Variants in ACOXL observed in about 807,000 individuals in gnomAD.
ACOXL encodes acyl-CoA oxidase like, also known as acyl-coenzyme A oxidase-like protein.
Under a neutral mutation model 71.9 loss-of-function variants are expected in ACOXL, and 70 were observed. The observed-to-expected ratio is 0.97, with a 90% CI of 0.80 to 1.19. The LOEUF (loss-of-function observed/expected upper bound fraction) is 1.19. ACOXL is among the 50% of genes most tolerant of loss of function. The pLI is 0.00. For missense variants in ACOXL, 703 were observed against 736.3 expected, an observed-to-expected ratio of 0.95 and a Z score of 0.52; for synonymous variants, 253 against 281.6, an observed-to-expected ratio of 0.90 and a Z score of 1.02.
chr2:111,099,023 G>A (rs1335552324), intron 17 of ACOXL: 1 of 152,166 alleles, frequency 6.6e-6, no homozygotes, highest in African/African-American at 2.4e-5. Context: ...GAAGATTCTA[G>A]CTGAACACAG....
In ACOXL at chr2:111,117,772, G is replaced by A; in HGVS notation, c.1699G>A (p.Glu567Lys). 2 of 1,551,152 alleles carry A rather than the reference G, an allele frequency of 1.3e-6. No individual in the cohort carries two copies. The highest frequency in any genetic ancestry group is 1.4e-5 in the African/African-American group (1 of 73,176). Reference sequence around the variant, plus strand: ...TGCACCGCTGCAGCCGCGGCCACGGGAAGAGGCGCGCTCCCGGCGGCCCAA... The same window carrying A: ...TGCACCGCTGCAGCCGCGGCCACGGAAAGAGGCGCGCTCCCGGCGGCCCAA... ...YPAPLQPRPR[E>K]EARSRRPKLG... Residue 567 changes from glutamate to lysine, a missense_variant, in exon 18 of 18, where the codon GAA becomes AAA. Coordinates refer to ENST00000439055, the MANE Select transcript of ACOXL (RefSeq NM_001142807.4).
chr2:110,875,600 G>A (rs889598205), intron 10 of ACOXL, among the ~76,000 whole-genome samples: 7 of 152,052 alleles, frequency 4.6e-5, no homozygotes, highest in Admixed American at 6.5e-5. Flanking sequence ...TTTCTGGCTC[G>A]TCTCCTCTGG....
At chr2:110,920,676 T>C (rs1315709347) in intron 11 of ACOXL, among the ~76,000 whole-genome samples, 1 of 152,106 alleles carries the variant, frequency 6.6e-6, no homozygotes, top group Non-Finnish European at 1.5e-5. Flanking sequence ...ATTCTTTTTT[T>C]TTGGCCTTTG....
At chr2:110,791,947 T>C (rs1684700535) in intron 3 of ACOXL, among the ~76,000 whole-genome samples, 1 of 152,178 alleles carries the variant, frequency 6.6e-6, no homozygotes, top group Non-Finnish European at 1.5e-5. Context: ...CTCTGCCATC[T>C]CTCAACTCTG....
At chr2:110,800,436 T>C (rs1024833446) in intron 7 of ACOXL, among the ~76,000 whole-genome samples, 4 of 152,218 alleles carry the variant, frequency 2.6e-5, no homozygotes, top group African/African-American at 9.6e-5. Context: ...TCATTTTAAT[T>C]TGATCACATC....
In ACOXL at chr2:110,826,085, G is replaced by A. The variant is rs73956472; in HGVS notation, c.754-15286G>A. Among the ~76,000 whole-genome samples the A allele has an allele frequency of 3.1e-3, 467 of 152,284 alleles. 2 individuals are homozygous for A. Among genetic ancestry groups the A allele is most frequent in the African/African-American group, 0.011 (447 of 41,550 alleles). On this transcript the variant is annotated intron_variant, in intron 9 of 17. Transcript: ENST00000439055. ...TTTCAGTGGCTTTATTTAATTGCCT[G>A]TTTCCAAATTAATTTTCTATCAGCA...
intron 12 of ACOXL, among the ~76,000 whole-genome samples, chr2:110,969,136 C>T (rs1233783964): frequency 6.6e-6 from 1 of 152,040 alleles, no homozygotes. Flanking sequence ...AGCATGAACA[C>T]ACAACACATC....
At chr2:110,744,131 A>AAG (rs1677888146) in intron 1 of ACOXL, among the ~76,000 whole-genome samples, 1 of 152,152 alleles carries the variant, frequency 6.6e-6, no homozygotes, top group Non-Finnish European at 1.5e-5. Flanking sequence ...GAGAGAGAGA[A>AAG]AGAGAGAGAG....
At chr2:110,877,704 T>C (rs1269054152) in intron 10 of ACOXL, among the ~76,000 whole-genome samples, 1 of 152,208 alleles carries the variant, frequency 6.6e-6, no homozygotes, top group Non-Finnish European at 1.5e-5. Flanking sequence ...ACATTGAGCC[T>C]GTGCATTACC....
intron 9 of ACOXL, among the ~76,000 whole-genome samples, chr2:110,812,346 GAGA>G (rs893138040): frequency 1.4e-4 from 22 of 152,186 alleles, no homozygotes; most frequent in African/African-American, 5.3e-4. Context: ...GGGAGTACAT[GAGA>G]AGGTTTGTTA....
chr2:110,821,366 C>G (rs1688580459), intron 9 of ACOXL, among the ~76,000 whole-genome samples: 1 of 152,072 alleles, frequency 6.6e-6, no homozygotes. Context: ...CTTGAAGAGG[C>G]AGCCCCAAAC....
intron 10 of ACOXL, 115 bp downstream of exon 10, chr2:110,841,520 C>A: frequency 2.6e-6 from 2 of 758,764 alleles, no homozygotes; most frequent in Non-Finnish European, 4.3e-6. Context: ...CCTGTGATGT[C>A]CGTGTCGCAG....
intron 2 of ACOXL, among the ~76,000 whole-genome samples, chr2:110,782,101 T>C (rs1188659921): frequency 6.6e-6 from 1 of 152,030 alleles, no homozygotes; most frequent in Non-Finnish European, 1.5e-5. Flanking sequence ...ATTATTATTA[T>C]TTAAAATCAC....
chr2:110,905,116 C>T lies in ACOXL; in HGVS notation c.789-3673C>T, dbSNP rs369165570. On this transcript the variant is annotated intron_variant, in intron 10 of 17. Coordinates refer to ENST00000439055, the MANE Select transcript of ACOXL (RefSeq NM_001142807.4). ...GCTGGAAAGGGAAGGTGCTGGGCCT[C>T]GCAGGAGGGGCAACATGAAATGCTC... 7.9e-5 allele frequency among the ~76,000 whole-genome samples: 12 copies of T among 152,182 alleles called. No individual in the cohort carries two copies. The South Asian group carries it at 2.1e-3, about 26-fold the overall frequency.
At chr2:110,840,317 A>G (rs1301054431) in intron 9 of ACOXL, among the ~76,000 whole-genome samples, 1 of 152,200 alleles carries the variant, frequency 6.6e-6, no homozygotes, top group Non-Finnish European at 1.5e-5. Context: ...GAACTCATTG[A>G]AAAATTAAAT....
intron 17 of ACOXL, among the ~76,000 whole-genome samples, chr2:111,104,052 G>A (rs1225477309): frequency 6.6e-6 from 1 of 152,110 alleles, no homozygotes; most frequent in Admixed American, 6.5e-5. Context: ...TGTCATTTCA[G>A]GAACGTTGTA....
At chr2:110,996,544 G>A (rs2063405588) in intron 14 of ACOXL, among the ~76,000 whole-genome samples, 1 of 152,128 alleles carries the variant, frequency 6.6e-6, no homozygotes, top group African/African-American at 2.4e-5. Context: ...AGCAATATCT[G>A]TTTCATCTTC....
intron 1 of ACOXL, among the ~76,000 whole-genome samples, chr2:110,735,137 A>G (rs1023561630): frequency 6.6e-6 from 1 of 152,074 alleles, no homozygotes; most frequent in African/African-American, 2.4e-5. Flanking sequence ...AACATTTCAT[A>G]TTTTTTCCCC....
chr2:111,018,750 C>A (rs1278016252), intron 14 of ACOXL, among the ~76,000 whole-genome samples: 1 of 151,634 alleles, frequency 6.6e-6, no homozygotes, highest in Non-Finnish European at 1.5e-5. Context: ...TGATGGGGAG[C>A]GAGCTGAGGG....
Sources: allele counts gnomAD v4.1 joint callset (sites outside exome capture counted in the v4.1 genomes callset), GRCh38; gene constraint gnomAD v4.1.1; transcripts MANE v1.5; gene names NCBI Gene and HGNC (gene_info 2026-07-23, HGNC 2026-07-21).